The following SERPING1 variants were observed in gnomAD, a reference collection of about 807,000 sequenced individuals.
SERPING1 encodes plasma protease C1 inhibitor.
SERPING1 carries 5 observed loss-of-function variants against 34.1 expected under a neutral mutation model. That is an observed-to-expected ratio of 0.15 (90% confidence interval 0.08 to 0.31). The LOEUF (loss-of-function observed/expected upper bound fraction) is 0.31. Among genes scored for constraint, SERPING1 ranks in the 10% least tolerant of loss-of-function variants. The pLI is 1.00. For synonymous variants in SERPING1, 225 were observed against 242.4 expected, an observed-to-expected ratio of 0.93 and a Z score of 0.67; for missense variants, 505 against 609.5, an observed-to-expected ratio of 0.83 and a Z score of 1.81.
chr11:57,600,506 G>A (rs1945335882), intron 3 of SERPING1, 129 bp downstream of exon 3: 4 of 965,022 alleles, frequency 4.1e-6, no homozygotes, highest in Non-Finnish European at 6.5e-6. Flanking sequence ...TATTGGGGGT[G>A]GGGTAGAGGG....
chr11:57,605,755 T>G, intron 4 of SERPING1: 1 of 551,352 alleles, frequency 1.8e-6, no homozygotes, highest in Non-Finnish European at 3.3e-6. Context: ...AAGATTATCT[T>G]GCCGAGCCAT....
At position 57,614,629 on chromosome 11, in the gene SERPING1, T is replaced by A. The variant is rs1945519270; in HGVS notation, c.*48T>A. ...CGAGCGCTACCTCTCCAGCCTCAGC[T>A]CTCAGTTGCAGCCCTGCTGCTGCCT... On this transcript the variant is annotated 3_prime_UTR_variant, in exon 8 of 8. Transcript: ENST00000278407. The A allele has an allele frequency of 5.0e-6, 8 of 1,598,014 alleles. No individual in the cohort carries two copies.
intron 2 of SERPING1, among the ~76,000 whole-genome samples, chr11:57,599,519 A>G (rs895022824): frequency 1.3e-5 from 2 of 152,220 alleles, no homozygotes; most frequent in African/African-American, 2.4e-5. Context: ...AAGTGAGTCA[A>G]ACAGGTAGAT....
Position 57,611,858 on chromosome 11 carries a change from T to C in SERPING1, c.1171T>C (p.Phe391Leu), listed in dbSNP as rs1408272304. The change falls in exon 7 of 8, where the codon TTC becomes CTC. Residue 391 changes from phenylalanine (F) to leucine (L), a missense_variant. By Grantham distance (22) the Phe-to-Leu change is conservative. Coordinates refer to ENST00000278407, the MANE Select transcript of SERPING1 (RefSeq NM_000062.3). ...CATGGAGAAACTGGAGATGTCCAAG[T>C]TCCAGCCCACTCTCCTAACACTACC... ...AIMEKLEMSK[F>L]QPTLLTLPRI... The C allele has an allele frequency of 6.2e-7, 1 of 1,614,030 alleles. No homozygotes were observed. Among genetic ancestry groups the C allele is most frequent in the Non-Finnish European group, 8.5e-7 (1 of 1,180,028 alleles).
At chr11:57,606,707 C>G in intron 6 of SERPING1, 160 bp downstream of exon 6, 1 of 844,394 alleles carries the variant, frequency 1.2e-6, no homozygotes, top group Non-Finnish European at 2.0e-6. Context: ...TCTCCTTTCT[C>G]TAGCCTTGGC....
chr11:57,613,481 CACTT>C (rs1945503531), intron 7 of SERPING1, among the ~76,000 whole-genome samples: 1 of 152,280 alleles, frequency 6.6e-6, no homozygotes, highest in African/African-American at 2.4e-5. Flanking sequence ...ACTCAGGAGA[CACTT>C]ACATTTACTG....
At chr11:57,603,684 C>G (rs988090225) in intron 4 of SERPING1, among the ~76,000 whole-genome samples, 1 of 148,768 alleles carries the variant, frequency 6.7e-6, no homozygotes, top group African/African-American at 2.5e-5. Flanking sequence ...CAAAAAAATA[C>G]AAAACTTAGC....
chr11:57,605,908 T>A (rs532962944), intron 4 of SERPING1, 102 bp from the exon 5 acceptor site: 3 of 1,100,474 alleles, frequency 2.7e-6, no homozygotes, highest in Non-Finnish European at 4.2e-6. Context: ...ATTCACTAAG[T>A]GAGCAGATAG....
rs767951167 is a variant in SERPING1, at chr11:57,602,186, G to A, written c.685+17G>A. On this transcript the variant is annotated intron_variant, in intron 4 of 7. Transcript: ENST00000278407. ...ACAGCCCAGGTGAGTGCCCAGGAAT[G>A]GGCAGTGTCTGCAGAGGAGGGTCCT... 1 of 1,614,098 alleles carries A rather than the reference G, an allele frequency of 6.2e-7. No homozygotes were observed.
chr11:57,606,552 G>T lies in SERPING1; in HGVS notation c.1029+5G>T, dbSNP rs575103656. On this transcript the variant is annotated splice_donor_5th_base_variant and intron_variant, in intron 6 of 7. Coordinates refer to ENST00000278407, the MANE Select transcript of SERPING1 (RefSeq NM_000062.3). The stretch of plus-strand genomic sequence containing the variant: ...GACCAAACTTTGAAAGCCAAGGTAA[G>T]TTCTTAACCTTTCCTTCTCCTGTTT... 2.5e-4 allele frequency: 405 copies of T among 1,614,094 alleles called. 3 individuals are homozygous for T. In the South Asian group the frequency reaches 4.2e-3, roughly 17 times the overall value.
At position 57,597,735 on chromosome 11, in the gene SERPING1, C is replaced by T. The variant is rs958982109; in HGVS notation, c.-23+13C>T. 5 of 146,404 alleles carry T rather than the reference C, an allele frequency of 3.4e-5. No individual in the cohort carries two copies. The highest frequency in any genetic ancestry group is 5.0e-5 in the African/African-American group (2 of 40,160). The allele number at this position is 146,404 out of a possible 1,614,324, so 9.1% of individuals were successfully genotyped here. On this transcript the variant is annotated intron_variant, in intron 1 of 7. Transcript: ENST00000278407. ...CCAGAAGTTTGGAGTAGGTTTGGTG[C>T]TGGGCAGGGGTGGGGAGTAGGGTGG...
intron 6 of SERPING1, among the ~76,000 whole-genome samples, chr11:57,610,958 T>A (rs544903998): frequency 6.6e-6 from 1 of 152,156 alleles, no homozygotes; most frequent in East Asian, 1.9e-4. Context: ...CTTTTTGAGA[T>A]GGAGTCTCGC....
At position 57,606,412 on chromosome 11, in the gene SERPING1, G is replaced by A; in HGVS notation, c.894G>A (p.Lys298=). 1 of 1,614,092 alleles carries A rather than the reference G, an allele frequency of 6.2e-7. No individual in the cohort carries two copies. The highest frequency in any genetic ancestry group is 8.5e-7 in the Non-Finnish European group (1 of 1,180,008). The part of the protein sequence containing the change: ...VLLNAIYLSA[K]WKTTFDPKKT... ...CCTCCCACCTCTTCCCTCTAGCCAA[G>A]TGGAAGACAACATTTGATCCCAAGA... Residue 298 remains lysine, a synonymous_variant, in exon 6 of 8, where the codon AAG becomes AAA. Coordinates refer to ENST00000278407, the MANE Select transcript of SERPING1 (RefSeq NM_000062.3).
chr11:57,605,286 A>G (rs1319886820), intron 4 of SERPING1, among the ~76,000 whole-genome samples: 2 of 151,824 alleles, frequency 1.3e-5, no homozygotes, highest in Admixed American at 1.3e-4. Flanking sequence ...GGCATCAGCA[A>G]AGCCTGGGAA....
intron 4 of SERPING1, among the ~76,000 whole-genome samples, chr11:57,604,023 G>A (rs954321111): frequency 3.3e-5 from 5 of 151,186 alleles, no homozygotes; most frequent in South Asian, 2.1e-4. Context: ...GGTGGCACGC[G>A]CCTGTAGTCC....
intron 4 of SERPING1, among the ~76,000 whole-genome samples, chr11:57,603,683 A>G (rs1336206744): frequency 6.7e-6 from 1 of 150,332 alleles, no homozygotes; most frequent in Non-Finnish European, 1.5e-5. Flanking sequence ...CCAAAAAAAT[A>G]CAAAACTTAG....
At chr11:57,605,975 A>T in intron 4 of SERPING1, 35 bp from the exon 5 acceptor site, 1 of 1,584,106 alleles carries the variant, frequency 6.3e-7, no homozygotes, top group Non-Finnish European at 8.7e-7. Context: ...CGACGTGTTC[A>T]GGACTCATGC....
rs1945310977 is a variant in SERPING1 at position 57,598,318 on chromosome 11, T to A, written c.48T>A (p.Ala16=). The change falls in exon 2 of 8, where the codon GCT becomes GCA. Residue 16 remains alanine (A), a synonymous_variant. Coordinates refer to ENST00000278407, the MANE Select transcript of SERPING1 (RefSeq NM_000062.3). ...TLLTLLLLLL[A]GDRASSNPNA... is the part of the protein sequence containing the mutation. The stretch of plus-strand genomic sequence containing the variant: ...TGACCCTCCTGCTGCTGCTGCTGGC[T>A]GGGGTATGTGGTCCCTTGTGGGATG... The A allele has an allele frequency of 6.4e-7, 1 of 1,561,766 alleles. No homozygotes were observed. Among genetic ancestry groups the A allele is most frequent in the East Asian group, 2.3e-5 (1 of 42,658 alleles).
rs766780380 is a variant in SERPING1 at position 57,614,360 on chromosome 11, T to A, written c.1282T>A (p.Cys428Ser). The A allele has an allele frequency of 3.1e-6, 5 of 1,614,106 alleles. No homozygotes were observed. The East Asian group carries it at 1.1e-4, about 36-fold the overall frequency. ...CGATTTTTCTTATGACCTTAACCTG[T>A]GTGGGCTGACAGAGGACCCAGATCT... ...FFDFSYDLNL[C>S]GLTEDPDLQV... is the part of the protein sequence containing the mutation. Residue 428 changes from cysteine (C) to serine (S), a missense_variant, in exon 8 of 8, where the codon TGT becomes AGT. Cys to Ser is a moderately radical substitution (Grantham distance 112). Transcript: ENST00000278407.
Sources: allele counts gnomAD v4.1 joint callset (sites outside exome capture counted in the v4.1 genomes callset), GRCh38; gene constraint gnomAD v4.1.1; transcripts MANE v1.5; gene names NCBI Gene and HGNC (gene_info 2026-07-23, HGNC 2026-07-21).